Variants in POLA1 observed in about 807,000 individuals in gnomAD.
The protein encoded by POLA1 is DNA polymerase alpha catalytic subunit.
POLA1 carries 15 observed loss-of-function variants against 124.0 expected under a neutral mutation model. That is an observed-to-expected ratio of 0.12 (90% CI 0.08 to 0.19). The LOEUF is 0.19. Ranked by LOEUF, POLA1 falls within the 10% of genes least tolerant of loss-of-function variation. The pLI is 1.00. For synonymous variants in POLA1, 408 were observed against 389.4 expected, an observed-to-expected ratio of 1.05 and a Z score of -0.56; for missense variants, 886 against 1,103.4, an observed-to-expected ratio of 0.80 and a Z score of 2.79.
chrX:24,797,900 TAGCC>T (rs894657710), intron 26 of POLA1, among the ~76,000 whole-genome samples: 2 of 106,509 alleles, frequency 1.9e-5, no homozygotes, highest in African/African-American at 6.9e-5. Context: ...AAAAAAAAAT[TAGCC>T]AGGCTTGGTG....
chrX:24,845,916 A>G (rs2046471583), intron 34 of POLA1, among the ~76,000 whole-genome samples: 1 of 112,132 alleles, frequency 8.9e-6, no homozygotes, highest in African/African-American at 3.2e-5. Context: ...AAAGGAAGGT[A>G]TCTTCATGAG....
chrX:24,798,592 A>G (rs184512000), intron 26 of POLA1, among the ~76,000 whole-genome samples: 1 of 110,620 alleles, frequency 9.0e-6, no homozygotes, highest in East Asian at 2.8e-4. Context: ...AAGAAGAACA[A>G]TTTTTCTCTA....
intron 26 of POLA1, among the ~76,000 whole-genome samples, chrX:24,802,690 A>G (rs2045735288): frequency 8.9e-6 from 1 of 111,821 alleles, no homozygotes; most frequent in Non-Finnish European, 1.9e-5. Context: ...ATGTGGGCTC[A>G]TTGGATTAGA....
intron 30 of POLA1, among the ~76,000 whole-genome samples, chrX:24,820,476 T>C (rs958608760): frequency 1.8e-5 from 2 of 111,531 alleles, no homozygotes; most frequent in Non-Finnish European, 3.8e-5. Flanking sequence ...GCATACTGAG[T>C]TCCAGTCTAA....
chrX:24,849,536 C>T (rs2046522749), intron 34 of POLA1, among the ~76,000 whole-genome samples: 1 of 110,948 alleles, frequency 9.0e-6, no homozygotes, highest in Admixed American at 9.6e-5. Flanking sequence ...GTGGTACGAT[C>T]ATGGCTCACT....
At chrX:24,888,594 TTGCTTG>T (rs2047095210) in intron 35 of POLA1, among the ~76,000 whole-genome samples, 1 of 103,465 alleles carries the variant, frequency 9.7e-6, no homozygotes, top group Non-Finnish European at 1.9e-5. Context: ...TGTTTTTTGT[TTGCTTG>T]TTTTTTTTTT....
chrX:24,941,481 T>A (rs1009633057), intron 36 of POLA1, among the ~76,000 whole-genome samples: 1 of 112,759 alleles, frequency 8.9e-6, no homozygotes, highest in African/African-American at 3.2e-5. Flanking sequence ...AGTCTAATTA[T>A]GTCCTTGTGA....
intron 22 of POLA1, among the ~76,000 whole-genome samples, chrX:24,742,328 A>G (rs1187549025): frequency 1.8e-5 from 2 of 112,447 alleles, no homozygotes; most frequent in East Asian, 2.8e-4. Context: ...CTTTGTGCAG[A>G]CAAAATTATT....
At chrX:24,759,569 G>A (rs1224808212) in intron 26 of POLA1, among the ~76,000 whole-genome samples, 2 of 112,205 alleles carry the variant, frequency 1.8e-5, no homozygotes, top group African/African-American at 6.5e-5. Flanking sequence ...TATAAGAATG[G>A]CCAGGATACT....
intron 34 of POLA1, among the ~76,000 whole-genome samples, chrX:24,869,278 C>T (rs951560889): frequency 1.8e-5 from 2 of 112,349 alleles, no homozygotes; most frequent in African/African-American, 6.5e-5. Flanking sequence ...CAGTTTGGGA[C>T]ACTGGTCTTA....
intron 36 of POLA1, among the ~76,000 whole-genome samples, chrX:24,975,290 G>A (rs983725162): frequency 2.7e-5 from 3 of 112,559 alleles, no homozygotes; most frequent in African/African-American, 9.7e-5. Flanking sequence ...GATTACAGGC[G>A]TGGGCCACCG....
At chrX:24,834,171 A>G (rs745959408) in intron 32 of POLA1, among the ~76,000 whole-genome samples, 21 of 110,097 alleles carry the variant, frequency 1.9e-4, no homozygotes, top group South Asian at 7.9e-4. Flanking sequence ...AGAAATACAC[A>G]TCTCGTTAAG....
chrX:24,768,078 T>C (rs1239974956), intron 26 of POLA1, among the ~76,000 whole-genome samples: 1 of 112,268 alleles, frequency 8.9e-6, no homozygotes, highest in Non-Finnish European at 1.9e-5. Flanking sequence ...CAACAGGCAT[T>C]AGGAGATGGG....
At position 24,834,363 on chromosome X, in the gene POLA1, C is replaced by T. The variant is rs192246996; in HGVS notation, c.3737-7289C>T. Reference sequence around the variant, plus strand: ...CGGCTATTATTTCTTCTAAAATACTCAGAAATTTTCCATTTATATTATGAA... The same window carrying T: ...CGGCTATTATTTCTTCTAAAATACTTAGAAATTTTCCATTTATATTATGAA... On this transcript the variant is annotated intron_variant, in intron 32 of 36. Transcript: ENST00000379068. Among the ~76,000 whole-genome samples, 314 of 111,870 alleles carry T rather than the reference C, an allele frequency of 2.8e-3. 1 individual carries two copies. Among genetic ancestry groups the T allele is most frequent in the South Asian group, 0.015 (41 of 2,659 alleles).
At chrX:24,903,352 A>G (rs949362110) in intron 35 of POLA1, among the ~76,000 whole-genome samples, 3 of 112,657 alleles carry the variant, frequency 2.7e-5, no homozygotes, top group Non-Finnish European at 3.7e-5. Context: ...CTTCATTCTC[A>G]TAATGTACAA....
intron 32 of POLA1, among the ~76,000 whole-genome samples, chrX:24,833,139 A>G (rs1055828786): frequency 2.1e-4 from 23 of 110,441 alleles, no homozygotes; most frequent in Non-Finnish European, 3.8e-4. Flanking sequence ...GCTCCCACTT[A>G]TGAGTGAGAG....
intron 26 of POLA1, among the ~76,000 whole-genome samples, chrX:24,791,542 CA>C (rs2045496891): frequency 8.9e-6 from 1 of 111,732 alleles, no homozygotes; most frequent in Non-Finnish European, 1.9e-5. Flanking sequence ...TAGGCCACCA[CA>C]CCCAGCTAAT....
intron 33 of POLA1, 76 bp from the exon 34 acceptor site, chrX:24,843,470 C>T (rs976511482): frequency 3.0e-6 from 2 of 673,481 alleles, no homozygotes; most frequent in Non-Finnish European, 4.4e-6. Context: ...ACTAGGACAG[C>T]ATGTAAGTTT....
intron 36 of POLA1, among the ~76,000 whole-genome samples, chrX:24,957,643 T>C (rs1190880250): frequency 8.9e-6 from 1 of 112,005 alleles, no homozygotes; most frequent in Non-Finnish European, 1.9e-5. Context: ...ATAGTATCTA[T>C]GTGTTGTTTG....
Sources: gnomAD v4.1 joint callset for allele counts (sites outside exome capture counted in the v4.1 genomes callset) on GRCh38, gnomAD v4.1.1 for gene constraint, MANE v1.5 for transcripts, NCBI Gene and HGNC (gene_info 2026-07-23, HGNC 2026-07-21) for gene names.